The following ADGB variants were observed in gnomAD, a reference collection of about 807,000 sequenced individuals.
ADGB encodes the protein calpain-7-like protein.
ADGB carries 172 observed loss-of-function variants against 210.5 expected under a neutral mutation model. That is an observed-to-expected ratio of 0.82 (90% CI 0.72 to 0.93). The LOEUF (loss-of-function observed/expected upper bound fraction) is 0.93, where lower values mean the gene tolerates loss of function less well. Among genes scored for constraint, ADGB ranks in the 40% least tolerant of loss-of-function variants. The pLI, the probability that ADGB is intolerant of heterozygous loss-of-function variation, is 0.00. For missense variants in ADGB, 2,025 were observed against 1,964.8 expected (o/e 1.03, Z -0.58); for synonymous variants, 658 against 662.7 (o/e 0.99, Z 0.11).
chr6:146,771,536 T>C (rs940484296), intron 29 of ADGB, among the ~76,000 whole-genome samples: 2 of 152,166 alleles, frequency 1.3e-5, no homozygotes, highest in African/African-American at 2.4e-5. Flanking sequence ...CAAAATCTCT[T>C]AGCTCATACC....
intron 1 of ADGB, among the ~76,000 whole-genome samples, chr6:146,624,874 G>A (rs182919332): frequency 6.6e-6 from 1 of 151,726 alleles, no homozygotes; most frequent in Non-Finnish European, 1.5e-5. Context: ...AAATATCTTA[G>A]AATTTTCCAG....
At chr6:146,687,017 T>A (rs1776242393) in intron 10 of ADGB, among the ~76,000 whole-genome samples, 1 of 152,168 alleles carries the variant, frequency 6.6e-6, no homozygotes, top group Non-Finnish European at 1.5e-5. Context: ...TTCTCTTTCT[T>A]CCCATTCTTT....
rs944716662 is a variant in ADGB at position 146,672,465 on chromosome 6, A to C, written c.1085A>C (p.Lys362Thr). The change falls in exon 8 of 36, where the codon AAG (lysine) becomes ACG (threonine). Residue 362 changes from lysine (K) to threonine (T), a missense_variant and splice_region_variant. Lys to Thr is a moderately conservative substitution (Grantham distance 78). Coordinates refer to ENST00000397944, the MANE Select transcript of ADGB (RefSeq NM_024694.4). ...CCTGAGAAAAGCGACAAAGTTCCAA[A>C]GGGTAAGATATTTTACATCAAAATG... ...KAPEKSDKVP[K>T]EKADARDIGK... 13 of 1,533,370 alleles carry C rather than the reference A, an allele frequency of 8.5e-6. No homozygotes were observed. The highest frequency in any genetic ancestry group is 1.1e-5 in the Non-Finnish European group (13 of 1,140,748). 95.0% of individuals were successfully genotyped at this position (1,533,370 alleles called of 1,614,324 possible).
At position 146,726,216 on chromosome 6, in the gene ADGB, G is replaced by C; in HGVS notation, c.2352+19G>C. 1 of 1,460,962 alleles carries C rather than the reference G, an allele frequency of 6.8e-7. No individual in the cohort carries two copies. The highest frequency in any genetic ancestry group is 9.4e-7 in the Non-Finnish European group (1 of 1,065,722). The allele number at this position is 1,460,962 out of a possible 1,614,324, so 90.5% of individuals were successfully genotyped here. A position where few individuals can be genotyped will look rare whatever the true frequency, so the allele number is the denominator to read the frequency against. On this transcript the variant is annotated intron_variant, in intron 19 of 35. Transcript: ENST00000397944. ...TGAACCAGTAAGTATTTTTGCAACA[G>C]CAAGTTATTTATTTATTTATTTAGA...
chr6:146,695,315 A>G (rs1776387724), intron 12 of ADGB, among the ~76,000 whole-genome samples: 1 of 152,116 alleles, frequency 6.6e-6, no homozygotes. Flanking sequence ...TGTAATGAGT[A>G]ACATCACCAA....
rs186199600 is a variant in ADGB at position 146,752,535 on chromosome 6, C to T, written c.3371C>T (p.Ser1124Leu). Residue 1124 changes from serine (S) to leucine (L), a missense_variant, in exon 27 of 36, where the codon TCG (serine) becomes TTG (leucine). Transcript: ENST00000397944. The stretch of plus-strand genomic sequence containing the variant: ...TTAACTTTTTTTCTTTACAGGTATT[C>T]GGTTAAAGTTCTAACACCACAACCT... Reference protein sequence around the residue: ...PNDKKILFRYSVKVLTPQPAT... With the variant: ...PNDKKILFRYLVKVLTPQPAT... 3.3e-4 allele frequency: 502 copies of T among 1,536,028 alleles called. 1 individual carries two copies. The African/African-American group carries it at 6.4e-3, about 20-fold the overall frequency.
At chr6:146,805,781 C>G (rs1451349244) in intron 35 of ADGB, among the ~76,000 whole-genome samples, 1 of 152,170 alleles carries the variant, frequency 6.6e-6, no homozygotes, top group Non-Finnish European at 1.5e-5. Context: ...ACCAGCTGCT[C>G]TTTCACAATT....
rs73014726 is a variant in ADGB, at chr6:146,602,569, A to G, written c.74+3455A>G. The stretch of plus-strand genomic sequence containing the variant: ...ATACCATAGATTGGATAGGTTAAAC[A>G]ACAAACATTTGTTTCTCACAGTTCT... On this transcript the variant is annotated intron_variant, in intron 1 of 35. Coordinates refer to ENST00000397944, the MANE Select transcript of ADGB (RefSeq NM_024694.4). 8.5e-3 allele frequency among the ~76,000 whole-genome samples: 1,290 copies of G among 152,312 alleles called. 10 individuals carry two copies. The highest frequency in any genetic ancestry group is 0.015 in the Non-Finnish European group (993 of 68,036).
intron 25 of ADGB, 83 bp from the exon 26 acceptor site, chr6:146,745,839 G>T: frequency 9.7e-7 from 1 of 1,027,478 alleles, no homozygotes; most frequent in Non-Finnish European, 1.3e-6. Context: ...ATAATAATAA[G>T]ACATTTAGCA....
intron 35 of ADGB, among the ~76,000 whole-genome samples, chr6:146,807,162 G>C (rs1488320113): frequency 1.3e-5 from 2 of 152,094 alleles, no homozygotes; most frequent in East Asian, 1.9e-4. Context: ...AGTATGTTTT[G>C]ACTATTTTTT....
chr6:146,761,157 T>A (rs1216672610), intron 27 of ADGB, among the ~76,000 whole-genome samples: 2 of 152,004 alleles, frequency 1.3e-5, no homozygotes, highest in South Asian at 4.1e-4. Context: ...CTAAGAAATA[T>A]TTACCTAATC....
Position 146,733,973 on chromosome 6 carries a change from A to C in ADGB, c.2737A>C (p.Ile913Leu), listed in dbSNP as rs558724676. The C allele has an allele frequency of 3.9e-6, 6 of 1,551,586 alleles. No individual in the cohort carries two copies. Among genetic ancestry groups the C allele is most frequent in the Non-Finnish European group, 4.4e-6 (5 of 1,146,982 alleles). The part of the protein sequence containing the change: ...SAEEVAAAIK[I>L]QAMWRGTYVR... Reference sequence around the variant, plus strand: ...TGAGGAAGTAGCAGCAGCAATTAAAATTCAAGCCATGTGGAGAGGAACTTA... The same window carrying C: ...TGAGGAAGTAGCAGCAGCAATTAAACTTCAAGCCATGTGGAGAGGAACTTA... The change falls in exon 22 of 36, where the codon ATT becomes CTT. Residue 913 changes from isoleucine to leucine, a missense_variant. Transcript: ENST00000397944.
intron 1 of ADGB, among the ~76,000 whole-genome samples, chr6:146,611,576 C>G (rs1396642318): frequency 6.6e-6 from 1 of 152,166 alleles, no homozygotes; most frequent in Non-Finnish European, 1.5e-5. Context: ...CTGCTTCCCC[C>G]AGTAGCTGCT....
chr6:146,602,921 CTG>C (rs1780581097), intron 1 of ADGB, among the ~76,000 whole-genome samples: 1 of 152,198 alleles, frequency 6.6e-6, no homozygotes, highest in African/African-American at 2.4e-5. Flanking sequence ...TTCCACAAAA[CTG>C]GTCCCTGGTG....
At chr6:146,687,083 C>A (rs1413512745) in intron 10 of ADGB, among the ~76,000 whole-genome samples, 1 of 152,030 alleles carries the variant, frequency 6.6e-6, no homozygotes, top group Admixed American at 6.6e-5. Context: ...TACTATATAA[C>A]AGTGTTCATA....
At chr6:146,782,922 C>T (rs763186310) in intron 30 of ADGB, among the ~76,000 whole-genome samples, 15 of 152,096 alleles carry the variant, frequency 9.9e-5, no homozygotes, top group Non-Finnish European at 1.8e-4. Context: ...AATCTTCCCA[C>T]CATTTATGCC....
At chr6:146,654,087 T>A (rs760416098) in intron 3 of ADGB, 48 bp from the exon 4 acceptor site, 1 of 1,239,210 alleles carries the variant, frequency 8.1e-7, no homozygotes, top group African/African-American at 1.5e-5. Context: ...AAATTACTTT[T>A]TTATTATTTT....
Position 146,739,956 on chromosome 6 carries a change from A to G in ADGB, c.2889-503A>G, listed in dbSNP as rs551061520. Among the ~76,000 whole-genome samples the G allele has an allele frequency of 2.0e-5, 3 of 152,322 alleles. No individual in the cohort carries two copies. In the South Asian group the frequency reaches 6.2e-4, roughly 32 times the overall value. The stretch of plus-strand genomic sequence containing the variant: ...TGCTCTACTCCCTTATACACTCAGA[A>G]ATCATGCAGGAGGAAAGCCAGCACT... On this transcript the variant is annotated intron_variant, in intron 23 of 35. Coordinates refer to ENST00000397944, the MANE Select transcript of ADGB (RefSeq NM_024694.4).
chr6:146,795,597 A>G (rs1778028962), intron 33 of ADGB, among the ~76,000 whole-genome samples: 2 of 152,178 alleles, frequency 1.3e-5, no homozygotes, highest in African/African-American at 4.8e-5. Flanking sequence ...CAAAACCACA[A>G]TGAGATACCA....
Sources: allele counts gnomAD v4.1 joint callset (sites outside exome capture counted in the v4.1 genomes callset), GRCh38; gene constraint gnomAD v4.1.1; transcripts MANE v1.5; gene names NCBI Gene and HGNC (gene_info 2026-07-23, HGNC 2026-07-21).